RIMS2: variants seen among roughly 807,000 people sequenced by gnomAD.
The protein encoded by RIMS2 is regulating synaptic membrane exocytosis protein 2.
A neutral mutation model predicts 174.4 loss-of-function variants in RIMS2; 59 were observed. The observed-to-expected ratio is 0.34, with a 90% CI of 0.27 to 0.42. RIMS2 has a LOEUF of 0.42. Ranked by LOEUF, RIMS2 falls within the 10% of genes least tolerant of loss-of-function variation. RIMS2 has a pLI of 1.00. For missense variants in RIMS2, 1,620 were observed against 1,666.3 expected, an observed-to-expected ratio of 0.97 and a Z score of 0.48; for synonymous variants, 606 against 572.5, an observed-to-expected ratio of 1.06 and a Z score of -0.84.
intron 19 of RIMS2, among the ~76,000 whole-genome samples, chr8:104,241,727 G>T (rs1001806257): frequency 1.1e-4 from 16 of 152,058 alleles, no homozygotes; most frequent in African/African-American, 3.9e-4. Flanking sequence ...GTACAAAATT[G>T]TATTACCTCT....
At chr8:103,762,388 A>G (rs988563263) in intron 2 of RIMS2, among the ~76,000 whole-genome samples, 1 of 152,166 alleles carries the variant, frequency 6.6e-6, no homozygotes, top group Non-Finnish European at 1.5e-5. Context: ...TATTTCTAAC[A>G]TATTTTAGAT....
rs143916253 is a variant in RIMS2 at position 103,953,757 on chromosome 8, A to G, written c.2702-7308A>G. On this transcript the variant is annotated intron_variant, in intron 14 of 23. Coordinates refer to ENST00000504942, the Ensembl canonical transcript of RIMS2. ...ATCAAATTCACACATAACAATATTA[A>G]CCTTAAATGTAAAACAGGCTAAATG... Among the ~76,000 whole-genome samples the G allele has an allele frequency of 9.8e-3, 1,497 of 152,266 alleles. 19 individuals carry two copies. Among genetic ancestry groups the G allele is most frequent in the South Asian group, 0.046 (223 of 4,824 alleles).
At chr8:104,206,545 G>T (rs753584433) in intron 19 of RIMS2, among the ~76,000 whole-genome samples, 5 of 152,130 alleles carry the variant, frequency 3.3e-5, no homozygotes, top group Non-Finnish European at 7.3e-5. Flanking sequence ...TTCTCATTAT[G>T]TACCACGCAT....
chr8:103,668,791 C>T (rs113063110), intron 1 of RIMS2, among the ~76,000 whole-genome samples: 136 of 152,064 alleles, frequency 8.9e-4, no homozygotes, highest in African/African-American at 3.1e-3. Flanking sequence ...AGCAATTCTC[C>T]CACCTAAGCC....
chr8:103,824,011 CAATT>C (rs746933917), intron 3 of RIMS2, among the ~76,000 whole-genome samples: 9 of 151,914 alleles, frequency 5.9e-5, no homozygotes, highest in South Asian at 4.2e-4. Context: ...GCTTATAACA[CAATT>C]AATTATCTAT....
intron 1 of RIMS2, among the ~76,000 whole-genome samples, chr8:103,582,382 ACTC>A (rs2132876429): frequency 6.6e-6 from 1 of 151,616 alleles, no homozygotes; most frequent in African/African-American, 2.4e-5. Context: ...ATGGGGAAAA[ACTC>A]CTTCTGCTTG....
chr8:104,018,696 A>G (rs1016921347), intron 19 of RIMS2, among the ~76,000 whole-genome samples: 2 of 152,278 alleles, frequency 1.3e-5, no homozygotes, highest in East Asian at 1.9e-4. Context: ...CCATTCTCCT[A>G]TGGATTTTGA....
chr8:103,755,880 T>C (rs984129275), intron 2 of RIMS2, among the ~76,000 whole-genome samples: 2 of 152,202 alleles, frequency 1.3e-5, no homozygotes, highest in Non-Finnish European at 2.9e-5. Context: ...CATGTTCCTT[T>C]AGTTTGGAGG....
At chr8:103,736,187 G>C (rs923432107) in intron 2 of RIMS2, among the ~76,000 whole-genome samples, 16 of 152,162 alleles carry the variant, frequency 1.1e-4, no homozygotes, top group African/African-American at 3.4e-4. Context: ...TTGTTGTAAT[G>C]TGAGTCAAAA....
chr8:103,797,998 A>G (rs1475179880), intron 3 of RIMS2, among the ~76,000 whole-genome samples: 1 of 152,174 alleles, frequency 6.6e-6, no homozygotes, highest in African/African-American at 2.4e-5. Flanking sequence ...GATAGCTCAT[A>G]TACTGTGCTG....
chr8:104,013,405 A>G (rs760236136), intron 17 of RIMS2, 37 bp from the exon 20 acceptor site: 2 of 1,582,612 alleles, frequency 1.3e-6, no homozygotes, highest in Admixed American at 1.7e-5. Context: ...GAAGGGCACT[A>G]AAGATCAACT....
chr8:104,079,644 AAGT>A (rs1363699490), intron 19 of RIMS2, among the ~76,000 whole-genome samples: 6 of 83,644 alleles, frequency 7.2e-5, no homozygotes, highest in Non-Finnish European at 1.3e-4. Flanking sequence ...TATATATATG[AAGT>A]AAAAGAATAT....
chr8:103,959,353 GC>G (rs2154545108), intron 14 of RIMS2, among the ~76,000 whole-genome samples: 1 of 151,920 alleles, frequency 6.6e-6, no homozygotes, highest in South Asian at 2.1e-4. Flanking sequence ...TTTATACTCT[GC>G]TTTCTGTCTG....
At chr8:103,615,260 A>G (rs1016219277) in intron 1 of RIMS2, among the ~76,000 whole-genome samples, 2 of 152,180 alleles carry the variant, frequency 1.3e-5, no homozygotes, top group Non-Finnish European at 2.9e-5. Context: ...AAATTAAACA[A>G]CATGCTCCTT....
chr8:103,798,890 C>G (rs2098579604), intron 3 of RIMS2, among the ~76,000 whole-genome samples: 1 of 151,224 alleles, frequency 6.6e-6, no homozygotes, highest in Admixed American at 6.6e-5. Context: ...CCAATCTAAT[C>G]ACACGAAGCC....
chr8:103,517,104 T>G (rs1829372079), intron 1 of RIMS2, among the ~76,000 whole-genome samples: 1 of 152,146 alleles, frequency 6.6e-6, no homozygotes, highest in Non-Finnish European at 1.5e-5. Flanking sequence ...TGCTTATAAT[T>G]TAGTGGTAAA....
intron 19 of RIMS2, among the ~76,000 whole-genome samples, chr8:104,191,669 C>T (rs1586940765): frequency 1.3e-5 from 2 of 152,242 alleles, no homozygotes; most frequent in Non-Finnish European, 1.5e-5. Flanking sequence ...ATATTTGGCT[C>T]TTTCTAATTT....
chr8:103,622,156 G>A (rs933732626), intron 1 of RIMS2, among the ~76,000 whole-genome samples: 3 of 152,016 alleles, frequency 2.0e-5, no homozygotes, highest in African/African-American at 7.2e-5. Flanking sequence ...AGTAAATTAT[G>A]AAGAAAGAAA....
chr8:103,575,195 T>C (rs923439909), intron 1 of RIMS2, among the ~76,000 whole-genome samples: 4 of 152,168 alleles, frequency 2.6e-5, no homozygotes, highest in African/African-American at 9.7e-5. Context: ...TGGAAAGTGC[T>C]CAACTTCATT....
Sources: gnomAD v4.1 joint callset for allele counts (sites outside exome capture counted in the v4.1 genomes callset) on GRCh38, gnomAD v4.1.1 for gene constraint, MANE v1.5 for transcripts, NCBI Gene and HGNC (gene_info 2026-07-23, HGNC 2026-07-21) for gene names.